The following ZNF229 variants were observed in gnomAD, a reference collection of about 807,000 sequenced individuals.
ZNF229 encodes zinc finger protein 229.
ZNF229 carries 10 observed loss-of-function variants against 11.8 expected under a neutral mutation model. The observed-to-expected ratio is 0.85, with a 90% CI of 0.52 to 1.44. The LOEUF is 1.44. ZNF229 is among the 40% of genes most tolerant of loss of function. The pLI is 0.00. For synonymous variants in ZNF229, 368 were observed against 374.8 expected (o/e 0.98, Z 0.21); for missense variants, 1,045 against 1,015.1 (o/e 1.03, Z -0.40).
chr19:44,427,939 C>G lies in ZNF229; in HGVS notation c.*364G>C, dbSNP rs55812288. ...CACTGTCCCATTGGTAGCTATCAAC[C>G]CACACAAAGAATCTATGTCCATAAT... On this transcript the variant is annotated 3_prime_UTR_variant, in exon 6 of 6. Coordinates refer to ENST00000614049, the MANE Select transcript of ZNF229 (RefSeq NM_014518.4). 4.3e-3 allele frequency: 804 copies of G among 188,078 alleles called. 3 individuals carry two copies. The highest frequency in any genetic ancestry group is 6.5e-3 in the Non-Finnish European group (582 of 89,902). 11.7% of individuals were successfully genotyped at this position (188,078 alleles called of 1,614,324 possible).
In ZNF229 at chr19:44,429,900, T is replaced by G. The variant is rs373477646; in HGVS notation, c.881A>C (p.Gln294Pro). ...CAAGCCCTCACTAAACTCATCATATTGACAGAGTTTCTCTTTCAAAGGTAC... is the reference window on the plus strand; with the variant it reads ...CAAGCCCTCACTAAACTCATCATATGGACAGAGTTTCTCTTTCAAAGGTAC... ...PRVPLKEKLC[Q>P]YDEFSEGLRH... The change falls in exon 6 of 6, where the codon CAA becomes CCA. Residue 294 changes from glutamine to proline, a missense_variant. By Grantham distance (76) the Gln-to-Pro change is moderately conservative. Transcript: ENST00000614049. 11 of 1,613,986 alleles carry G rather than the reference T, an allele frequency of 6.8e-6. No individual in the cohort carries two copies. The highest frequency in any genetic ancestry group is 8.5e-6 in the Non-Finnish European group (10 of 1,180,014).
At chr19:44,439,263 A>G (rs1272144123) in intron 4 of ZNF229, among the ~76,000 whole-genome samples, 2 of 152,192 alleles carry the variant, frequency 1.3e-5, no homozygotes, top group Non-Finnish European at 2.9e-5. Context: ...AGCTTTTTCC[A>G]CACTAAGTAT....
At chr19:44,441,959 AT>A (rs542307116) in intron 4 of ZNF229, among the ~76,000 whole-genome samples, 2 of 152,280 alleles carry the variant, frequency 1.3e-5, no homozygotes, top group South Asian at 4.1e-4. Context: ...TTCAATGTGT[AT>A]CATTTTGATT....
rs549262570 is a variant in ZNF229, at chr19:44,426,259, G to A, written c.*2044C>T. On this transcript the variant is annotated 3_prime_UTR_variant, in exon 6 of 6. Coordinates refer to ENST00000614049, the MANE Select transcript of ZNF229 (RefSeq NM_014518.4). ...AGAAAAAGCCAAAAAAGTTATAGAG[G>A]TTACAACATGAATCTTTAATCATAA... is the stretch of plus-strand genomic sequence containing the variant. The A allele has an allele frequency of 2.0e-5, 3 of 152,204 alleles. No homozygotes were observed. The highest frequency in any genetic ancestry group is 1.9e-4 in the East Asian group (1 of 5,190). 9.4% of individuals were successfully genotyped at this position (152,204 alleles called of 1,614,324 possible). A position where few individuals can be genotyped will look rare whatever the true frequency, so the allele number is the denominator to read the frequency against.
intron 4 of ZNF229, among the ~76,000 whole-genome samples, chr19:44,439,086 C>A (rs1421534254): frequency 6.6e-6 from 1 of 152,088 alleles, no homozygotes; most frequent in Non-Finnish European, 1.5e-5. Context: ...TCTGACACTA[C>A]CTCCGGGCAG....
rs565306554 is a variant in ZNF229 at position 44,444,300 on chromosome 19, G to C, written c.-177-1276C>G. ...TCAGACAAACAGATACACATACTTGGGCTGTCTACTCTAGGACACTCACTG... is the reference window on the plus strand; with the variant it reads ...TCAGACAAACAGATACACATACTTGCGCTGTCTACTCTAGGACACTCACTG... On this transcript the variant is annotated intron_variant, in intron 2 of 5. Coordinates refer to ENST00000614049, the MANE Select transcript of ZNF229 (RefSeq NM_014518.4). 3.3e-5 allele frequency among the ~76,000 whole-genome samples: 5 copies of C among 152,162 alleles called. No individual in the cohort carries two copies. The South Asian group carries it at 1.0e-3, about 32-fold the overall frequency.
chr19:44,429,174 T>C lies in ZNF229; in HGVS notation c.1607A>G (p.Gln536Arg). ...FSYSSGLLMHQRLHTGEKPYK... is the reference protein window; with the variant it reads ...FSYSSGLLMHRRLHTGEKPYK... The stretch of plus-strand genomic sequence containing the variant: ...GGGTTTCTCTCCTGTGTGCAGTCTC[T>C]GATGCATGAGAAGCCCTGAGCTGTA... The change falls in exon 6 of 6, where the codon CAG becomes CGG. Residue 536 changes from glutamine to arginine, a missense_variant. By Grantham distance (43) the Gln-to-Arg change is conservative. Transcript: ENST00000614049. 2 of 1,614,072 alleles carry C rather than the reference T, an allele frequency of 1.2e-6. No homozygotes were observed. The highest frequency in any genetic ancestry group is 8.5e-7 in the Non-Finnish European group (1 of 1,180,024).
At position 44,430,438 on chromosome 19, in the gene ZNF229, C is replaced by T. The variant is rs141153185; in HGVS notation, c.343G>A (p.Glu115Lys). 2.2e-5 allele frequency: 35 copies of T among 1,614,152 alleles called. No homozygotes were observed. In the African/African-American group the frequency reaches 2.9e-4, roughly 14 times the overall value. ...SCKIWEEVAG[E>K]LPGSQDCRVN... ...CTACAGTCTTGGCTCCCAGGTAATTCACCTGCCACCTCTTCCCAGATTTTG... is the reference window on the plus strand; with the variant it reads ...CTACAGTCTTGGCTCCCAGGTAATTTACCTGCCACCTCTTCCCAGATTTTG... The change falls in exon 6 of 6, where the codon GAA becomes AAA. Residue 115 changes from glutamate (E) to lysine (K), a missense_variant. Transcript: ENST00000614049.
intron 4 of ZNF229, 47 bp downstream of exon 4, chr19:44,442,516 T>C (rs1401359878): frequency 6.3e-7 from 1 of 1,598,002 alleles, no homozygotes; most frequent in African/African-American, 1.3e-5. Flanking sequence ...ATGTTTTCTC[T>C]CTGATGCCTA....
At chr19:44,447,361 G>A (rs1972019939) in intron 2 of ZNF229, among the ~76,000 whole-genome samples, 152 bp downstream of exon 2, 1 of 152,132 alleles carries the variant, frequency 6.6e-6, no homozygotes, top group Non-Finnish European at 1.5e-5. Context: ...ACTAAATAAA[G>A]ACACTGGGAA....
At chr19:44,432,453 T>A (rs935681118) in intron 4 of ZNF229, 87 bp from the exon 5 acceptor site, 1 of 1,557,356 alleles carries the variant, frequency 6.4e-7, no homozygotes, top group South Asian at 1.2e-5. Flanking sequence ...TAAAAAAATT[T>A]AAAAATCTGG....
Position 44,427,285 on chromosome 19 carries a change from A to G in ZNF229, c.*1018T>C, listed in dbSNP as rs962456048. 4 of 133,076 alleles carry G rather than the reference A, an allele frequency of 3.0e-5. 1 individual carries two copies. The highest frequency in any genetic ancestry group is 1.2e-4 in the African/African-American group (4 of 34,234). The allele number at this position is 133,076 out of a possible 1,614,324, so 8.2% of individuals were successfully genotyped here. On this transcript the variant is annotated 3_prime_UTR_variant, in exon 6 of 6. Transcript: ENST00000614049. ...ATGGGGGATTTGATGATTCTATTTT[A>G]ATACTGCTAACCTGCAGGGTGAAAT...
chr19:44,447,888 C>G (rs563184822), intron 1 of ZNF229, among the ~76,000 whole-genome samples: 17 of 152,332 alleles, frequency 1.1e-4, no homozygotes, highest in African/African-American at 4.1e-4. Context: ...TAATCCAGAG[C>G]TGACTGTCAC....
At chr19:44,438,692 AG>A (rs1971856007) in intron 4 of ZNF229, among the ~76,000 whole-genome samples, 1 of 152,150 alleles carries the variant, frequency 6.6e-6, no homozygotes, top group Admixed American at 6.5e-5. Context: ...ACCTCCAGTG[AG>A]GGGAGAGGAG....
At chr19:44,435,185 A>G (rs7249704) in intron 4 of ZNF229, among the ~76,000 whole-genome samples, 58,003 of 152,018 alleles carry the variant, frequency 0.38, 12,302 homozygotes, top group South Asian at 0.6. Flanking sequence ...TACTTTTTCA[A>G]GAAATATTCA....
chr19:44,443,102 T>C (rs1971945118), intron 2 of ZNF229, 78 bp from the exon 3 acceptor site: 2 of 568,930 alleles, frequency 3.5e-6, no homozygotes, highest in Admixed American at 3.1e-5. Flanking sequence ...CTGGATACTA[T>C]TCATTCAGTA....
In ZNF229 at chr19:44,442,973, C is replaced by T; in HGVS notation, c.-126G>A. On this transcript the variant is annotated 5_prime_UTR_variant, in exon 3 of 6. Transcript: ENST00000614049. ...AAACTCTCCAAGCTCTGACAAGTTC[C>T]TGTCTCCACCTTTACTGTCCAGAGC... The T allele has an allele frequency of 8.9e-7, 1 of 1,125,798 alleles. No individual in the cohort carries two copies. The highest frequency in any genetic ancestry group is 1.3e-6 in the Non-Finnish European group (1 of 755,784). The allele number at this position is 1,125,798 out of a possible 1,614,324, so 69.7% of individuals were successfully genotyped here.
At chr19:44,431,606 G>C (rs896380550) in intron 5 of ZNF229, among the ~76,000 whole-genome samples, 25 of 152,240 alleles carry the variant, frequency 1.6e-4, no homozygotes, top group Non-Finnish European at 3.2e-4. Context: ...GGTAGGAACT[G>C]AACGGAAGAA....
chr19:44,429,140 G>A lies in ZNF229; in HGVS notation c.1641C>T (p.Cys547=), dbSNP rs201815921. 4.0e-5 allele frequency: 64 copies of A among 1,612,656 alleles called. No homozygotes were observed. In the Admixed American group the frequency reaches 6.8e-4, roughly 17 times the overall value. Reference sequence around the variant, plus strand: ...TCCGGCCAAAGCTCTTCCCGCACTCGCATTTGTAGGGTTTCTCTCCTGTGT... The same window carrying A: ...TCCGGCCAAAGCTCTTCCCGCACTCACATTTGTAGGGTTTCTCTCCTGTGT... The part of the protein sequence containing the change: ...RLHTGEKPYK[C]ECGKSFGRSS... The change falls in exon 6 of 6, where the codon TGC becomes TGT. Residue 547 remains cysteine (C), a synonymous_variant. Transcript: ENST00000614049.
Sources: gnomAD v4.1 joint callset for allele counts (sites outside exome capture counted in the v4.1 genomes callset) on GRCh38, gnomAD v4.1.1 for gene constraint, MANE v1.5 for transcripts, NCBI Gene and HGNC (gene_info 2026-07-23, HGNC 2026-07-21) for gene names.